TMEM71: variants seen among roughly 807,000 people sequenced by gnomAD.
TMEM71 encodes transmembrane protein 71.
Under a neutral mutation model 38.0 loss-of-function variants are expected in TMEM71, and 44 were observed. The observed-to-expected ratio is 1.16, with a 90% confidence interval of 0.91 to 1.49. The LOEUF (loss-of-function observed/expected upper bound fraction) is 1.49. Ranked by LOEUF, TMEM71 falls within the 40% of genes most tolerant of loss-of-function variation. The pLI is 0.00. For missense variants in TMEM71, 367 were observed against 348.6 expected (o/e 1.05, Z -0.42); for synonymous variants, 133 against 122.5 (o/e 1.09, Z -0.56).
intron 9 of TMEM71, among the ~76,000 whole-genome samples, chr8:132,713,644 A>G (rs1826353513): frequency 6.6e-6 from 1 of 152,250 alleles, no homozygotes; most frequent in South Asian, 2.1e-4. Flanking sequence ...AGATCATTTC[A>G]TGGGCAGTTT....
chr8:132,728,005 T>C lies in TMEM71; in HGVS notation c.488-19A>G. On this transcript the variant is annotated intron_variant, in intron 5 of 9. Transcript: ENST00000677595. Reference sequence around the variant, plus strand: ...TCATCTGCTGAAAAAGCAGAGGGGTTCAGTGTGAGTGTGTGTGTGTGTGTG... The same window carrying C: ...TCATCTGCTGAAAAAGCAGAGGGGTCCAGTGTGAGTGTGTGTGTGTGTGTG... The C allele has an allele frequency of 3.2e-6, 5 of 1,560,334 alleles. No homozygotes were observed. Among genetic ancestry groups the C allele is most frequent in the Non-Finnish European group, 4.3e-6 (5 of 1,158,422 alleles).
At chr8:132,711,630 A>G (rs1277606033) in intron 9 of TMEM71, among the ~76,000 whole-genome samples, 3 of 152,196 alleles carry the variant, frequency 2.0e-5, no homozygotes, top group African/African-American at 4.8e-5. Context: ...AACATGAGAT[A>G]CCTGTGCTGA....
At chr8:132,744,695 G>A (rs1230226848) in intron 5 of TMEM71, among the ~76,000 whole-genome samples, 1 of 151,980 alleles carries the variant, frequency 6.6e-6, no homozygotes, top group African/African-American at 2.4e-5. Context: ...ATTTCATGTG[G>A]TACCAAAAAA....
intron 7 of TMEM71, among the ~76,000 whole-genome samples, chr8:132,720,902 T>G (rs1355315965): frequency 2.6e-5 from 4 of 152,216 alleles, no homozygotes; most frequent in African/African-American, 7.2e-5. Context: ...ACAATGTGTC[T>G]GCTGTCAGGC....
chr8:132,764,724 G>T (rs1020197651), upstream of TMEM71, among the ~76,000 whole-genome samples: 1 of 152,150 alleles, frequency 6.6e-6, no homozygotes, highest in Admixed American at 6.5e-5. Flanking sequence ...CCCAGACCAG[G>T]TTATGGATCC....
chr8:132,727,950 C>A lies in TMEM71; in HGVS notation c.524G>T (p.Trp175Leu), dbSNP rs777682154. 5 of 1,613,782 alleles carry A rather than the reference C, an allele frequency of 3.1e-6. No individual in the cohort carries two copies. Among genetic ancestry groups the A allele is most frequent in the Non-Finnish European group, 4.2e-6 (5 of 1,179,916 alleles). ...CTCTGCATTCATCTTCCCTGACTCC[C>A]AGTCATCAGTCAGAGAAGAACAGTC... is the stretch of plus-strand genomic sequence containing the variant. ...DLDCSSLTDD[W>L]ESGKMNAESV... Residue 175 changes from tryptophan (W) to leucine (L), a missense_variant, in exon 6 of 10, where the codon TGG (tryptophan) becomes TTG (leucine). Trp to Leu is a moderately conservative substitution (Grantham distance 61). Transcript: ENST00000677595.
chr8:132,752,038 T>C (rs765346130), intron 3 of TMEM71, 41 bp from the exon 4 acceptor site: 60 of 1,523,986 alleles, frequency 3.9e-5, no homozygotes, highest in African/African-American at 9.6e-5. Context: ...CTCTATTCAG[T>C]ACATCCAGTC....
intron 5 of TMEM71, among the ~76,000 whole-genome samples, chr8:132,738,982 C>A (rs1321280696): frequency 1.3e-5 from 2 of 151,958 alleles, no homozygotes; most frequent in African/African-American, 4.8e-5. Flanking sequence ...TATCAGTGGG[C>A]AAAGCTGGGT....
intron 6 of TMEM71, among the ~76,000 whole-genome samples, chr8:132,725,017 T>TTTTTC (rs753456576): frequency 7.3e-5 from 11 of 151,716 alleles, no homozygotes; most frequent in African/African-American, 9.7e-5. Flanking sequence ...GGAGGGCCTT[T>TTTTTC]TTTTCTTTTC....
At chr8:132,748,208 A>T (rs950970701) in intron 4 of TMEM71, among the ~76,000 whole-genome samples, 6 of 152,246 alleles carry the variant, frequency 3.9e-5, no homozygotes, top group Non-Finnish European at 8.8e-5. Flanking sequence ...CTGCTATCAG[A>T]AGATGCATTT....
chr8:132,720,498 A>G (rs1826781299), intron 7 of TMEM71, among the ~76,000 whole-genome samples: 1 of 152,226 alleles, frequency 6.6e-6, no homozygotes, highest in Non-Finnish European at 1.5e-5. Context: ...GGGATATAGA[A>G]TGCAGAATTT....
intron 5 of TMEM71, among the ~76,000 whole-genome samples, chr8:132,729,223 G>A (rs1284982838): frequency 6.6e-6 from 1 of 152,180 alleles, no homozygotes; most frequent in Admixed American, 6.5e-5. Flanking sequence ...GAGATTAGGG[G>A]ATCCAAAACT....
chr8:132,733,558 TG>T (rs1827578690), intron 5 of TMEM71, among the ~76,000 whole-genome samples: 1 of 152,180 alleles, frequency 6.6e-6, no homozygotes, highest in African/African-American at 2.4e-5. Flanking sequence ...CAGGCTTCCT[TG>T]CACTGCCTTA....
chr8:132,717,942 A>G (rs1826623559), intron 7 of TMEM71, among the ~76,000 whole-genome samples: 1 of 152,236 alleles, frequency 6.6e-6, no homozygotes, highest in South Asian at 2.1e-4. Flanking sequence ...TACATGCTAC[A>G]ACATGGATGA....
At chr8:132,742,400 A>C (rs530341858) in intron 5 of TMEM71, among the ~76,000 whole-genome samples, 2 of 152,246 alleles carry the variant, frequency 1.3e-5, no homozygotes, top group South Asian at 4.2e-4. Context: ...ACAACAACAA[A>C]AAAACACTCC....
At chr8:132,733,025 A>T (rs556053209) in intron 5 of TMEM71, among the ~76,000 whole-genome samples, 41 of 152,336 alleles carry the variant, frequency 2.7e-4, no homozygotes, top group African/African-American at 8.7e-4. Flanking sequence ...AGTGAGAATC[A>T]CGTGTCTGTA....
chr8:132,761,952 C>G (rs1829304601), upstream of TMEM71, among the ~76,000 whole-genome samples: 1 of 152,168 alleles, frequency 6.6e-6, no homozygotes, highest in African/African-American at 2.4e-5. Context: ...GAGCCTTGAG[C>G]TGACTGCAGC....
chr8:132,709,950 T>C lies in TMEM71; in HGVS notation c.*1017A>G, dbSNP rs1000413720. The C allele has an allele frequency of 6.6e-6, 1 of 152,106 alleles. No homozygotes were observed. The highest frequency in any genetic ancestry group is 1.5e-5 in the Non-Finnish European group (1 of 68,028). 9.4% of individuals were successfully genotyped at this position (152,106 alleles called of 1,614,324 possible). ...TACACACACACAAATATAAATTTGC[T>C]GATGACTTCACTTATTTATTAGTTT... On this transcript the variant is annotated 3_prime_UTR_variant, in exon 10 of 10. Coordinates refer to ENST00000677595, the MANE Select transcript of TMEM71 (RefSeq NM_001382403.1).
upstream of TMEM71, among the ~76,000 whole-genome samples, chr8:132,765,346 G>A (rs1047060660): frequency 5.3e-5 from 8 of 152,164 alleles, no homozygotes; most frequent in Admixed American, 1.3e-4. Context: ...GTAAGGACTC[G>A]GCCCAAAGCT....
Sources: gnomAD v4.1 joint callset for allele counts (sites outside exome capture counted in the v4.1 genomes callset) on GRCh38, gnomAD v4.1.1 for gene constraint, MANE v1.5 for transcripts, NCBI Gene and HGNC (gene_info 2026-07-23, HGNC 2026-07-21) for gene names.